KCNIP4: variants seen among roughly 807,000 people sequenced by gnomAD.
KCNIP4 encodes Kv channel-interacting protein 4.
A neutral mutation model predicts 34.0 loss-of-function variants in KCNIP4; 12 were observed. The ratio of observed to expected loss-of-function variants is 0.35; its 90% confidence interval spans 0.23 to 0.57. KCNIP4 has a LOEUF of 0.57. KCNIP4 is among the 20% of genes least tolerant of loss of function. The probability of loss-of-function intolerance (pLI) is 0.83; values close to 1 mark genes in which losing one functional copy is unlikely to be tolerated. For missense variants in KCNIP4, 238 were observed against 311.7 expected, an observed-to-expected ratio of 0.76 and a Z score of 1.78; for synonymous variants, 124 against 102.2, an observed-to-expected ratio of 1.21 and a Z score of -1.29.
intron 1 of KCNIP4, among the ~76,000 whole-genome samples, chr4:21,874,742 G>A (rs1288231142): frequency 3.1e-4 from 47 of 152,116 alleles, no homozygotes; most frequent in Non-Finnish European, 1.5e-5. Context: ...CCTATTTCAT[G>A]CCAGGATTCT....
intron 1 of KCNIP4, among the ~76,000 whole-genome samples, chr4:21,805,718 G>T (rs1721252124): frequency 6.6e-6 from 1 of 152,244 alleles, no homozygotes; most frequent in South Asian, 2.1e-4. Flanking sequence ...CTCTATGGAA[G>T]ATTTATCAAG....
At chr4:20,809,768 C>A (rs927881144) in intron 3 of KCNIP4, among the ~76,000 whole-genome samples, 1 of 152,142 alleles carries the variant, frequency 6.6e-6, no homozygotes, top group Non-Finnish European at 1.5e-5. Context: ...AAGCACGAAA[C>A]CTCTTAAAGT....
intron 1 of KCNIP4, among the ~76,000 whole-genome samples, chr4:21,091,650 T>C (rs1309308353): frequency 6.6e-6 from 1 of 152,206 alleles, no homozygotes; most frequent in Non-Finnish European, 1.5e-5. Context: ...TTCTCACAGC[T>C]CTGGAGGCTG....
At chr4:21,443,929 A>G (rs1727720108) in intron 1 of KCNIP4, among the ~76,000 whole-genome samples, 1 of 152,138 alleles carries the variant, frequency 6.6e-6, no homozygotes. Flanking sequence ...ACAATAAAAA[A>G]TGATAAAGGG....
At chr4:21,121,171 A>G (rs1278799520) in intron 1 of KCNIP4, among the ~76,000 whole-genome samples, 1 of 152,190 alleles carries the variant, frequency 6.6e-6, no homozygotes, top group Admixed American at 6.5e-5. Context: ...AGCTATTCCA[A>G]TCCATACACA....
chr4:21,512,849 G>A (rs1367431171), intron 1 of KCNIP4, among the ~76,000 whole-genome samples: 1 of 152,202 alleles, frequency 6.6e-6, no homozygotes, highest in African/African-American at 2.4e-5. Context: ...TTAATCTACT[G>A]AAAGAATGTC....
chr4:21,758,951 C>A (rs1354112410), intron 1 of KCNIP4, among the ~76,000 whole-genome samples: 1 of 151,856 alleles, frequency 6.6e-6, no homozygotes, highest in Admixed American at 6.6e-5. Context: ...AATAATAATA[C>A]CTACTTATCA....
intron 1 of KCNIP4, among the ~76,000 whole-genome samples, chr4:21,427,401 A>C (rs548330602): frequency 1.3e-5 from 2 of 152,158 alleles, no homozygotes; most frequent in Admixed American, 6.5e-5. Flanking sequence ...TTTTAGCAGC[A>C]TTGTGACTAA....
chr4:20,928,017 T>C (rs1730069574), intron 1 of KCNIP4, among the ~76,000 whole-genome samples: 1 of 152,174 alleles, frequency 6.6e-6, no homozygotes, highest in Non-Finnish European at 1.5e-5. Flanking sequence ...AATACTAGAA[T>C]AAAAGCAAAT....
intron 5 of KCNIP4, 48 bp downstream of exon 5, chr4:20,749,614 G>T: frequency 7.6e-7 from 1 of 1,320,386 alleles, no homozygotes; most frequent in Non-Finnish European, 1.1e-6. Flanking sequence ...CCCCTAAAAA[G>T]ACTAAACTCT....
At chr4:20,895,304 G>C (rs989201458) in intron 1 of KCNIP4, among the ~76,000 whole-genome samples, 19 of 152,138 alleles carry the variant, frequency 1.2e-4, no homozygotes, top group Admixed American at 7.2e-4. Flanking sequence ...TCCTTTGCTA[G>C]AAATGCTACC....
At chr4:21,304,780 T>C (rs1712251747) in intron 1 of KCNIP4, among the ~76,000 whole-genome samples, 1 of 152,174 alleles carries the variant, frequency 6.6e-6, no homozygotes, top group African/African-American at 2.4e-5. Context: ...ATCATATCTT[T>C]TTGAAGCATG....
intron 1 of KCNIP4, among the ~76,000 whole-genome samples, chr4:21,718,199 T>C (rs1051213274): frequency 1.3e-5 from 2 of 152,212 alleles, no homozygotes; most frequent in Admixed American, 1.3e-4. Flanking sequence ...AAAAAAATAC[T>C]ATATTTAGAA....
In KCNIP4 at chr4:21,374,589, C is replaced by G. The variant is rs79646030; in HGVS notation, c.62-491880G>C. On this transcript the variant is annotated intron_variant, in intron 1 of 8. Transcript: ENST00000382152. ...TACAAGTTTTAAAAAATGAAGGCAACAACAGGTGAACTGTATGGTATGGGC... is the reference window on the plus strand; with the variant it reads ...TACAAGTTTTAAAAAATGAAGGCAAGAACAGGTGAACTGTATGGTATGGGC... Among the ~76,000 whole-genome samples, 26 of 147,458 alleles carry G rather than the reference C, an allele frequency of 1.8e-4. 2 individuals carry two copies. In the East Asian group the frequency reaches 4.2e-3, roughly 24 times the overall value.
At chr4:21,232,340 T>A (rs1758855422) in intron 1 of KCNIP4, among the ~76,000 whole-genome samples, 1 of 152,150 alleles carries the variant, frequency 6.6e-6, no homozygotes, top group African/African-American at 2.4e-5. Flanking sequence ...AATCTACCTA[T>A]AAAATAGTTC....
At chr4:21,362,897 G>C (rs16870934) in intron 1 of KCNIP4, among the ~76,000 whole-genome samples, 3,741 of 152,148 alleles carry the variant, frequency 0.025, 196 homozygotes, top group East Asian at 0.19. Flanking sequence ...AACTACAATG[G>C]AGTGATAAGA....
At chr4:21,590,599 A>G (rs1348899753) in intron 1 of KCNIP4, among the ~76,000 whole-genome samples, 1 of 151,954 alleles carries the variant, frequency 6.6e-6, no homozygotes, top group African/African-American at 2.4e-5. Context: ...AGGTTTAGGG[A>G]TGTTTATTTC....
At chr4:20,866,295 A>G (rs1484043262) in intron 2 of KCNIP4, among the ~76,000 whole-genome samples, 2 of 152,118 alleles carry the variant, frequency 1.3e-5, no homozygotes, top group Non-Finnish European at 2.9e-5. Flanking sequence ...AGCACATCAA[A>G]AAGTTAATAC....
chr4:21,322,390 C>G (rs1284523511), intron 1 of KCNIP4, among the ~76,000 whole-genome samples: 1 of 152,106 alleles, frequency 6.6e-6, no homozygotes, highest in African/African-American at 2.4e-5. Context: ...GCTTGCAAAG[C>G]CATTACTCCT....
Sources: gnomAD v4.1 joint callset for allele counts (sites outside exome capture counted in the v4.1 genomes callset) on GRCh38, gnomAD v4.1.1 for gene constraint, MANE v1.5 for transcripts, NCBI Gene and HGNC (gene_info 2026-07-23, HGNC 2026-07-21) for gene names.